The following EML4 variants were observed in gnomAD, a reference collection of about 807,000 sequenced individuals.
The protein encoded by EML4 is EMAP like 4.
EML4 carries 72 observed loss-of-function variants against 129.0 expected under a neutral mutation model. The ratio of observed to expected loss-of-function variants is 0.56; its 90% CI spans 0.46 to 0.68. EML4 has a LOEUF of 0.68. Ranked by LOEUF, EML4 falls within the 30% of genes least tolerant of loss-of-function variation. The probability of loss-of-function intolerance (pLI) is 0.00; values close to 1 mark genes in which losing one functional copy is unlikely to be tolerated. For missense variants in EML4, 1,363 were observed against 1,190.6 expected (o/e 1.14, Z -2.13); for synonymous variants, 532 against 405.0 (o/e 1.31, Z -3.77).
intron 13 of EML4, among the ~76,000 whole-genome samples, chr2:42,297,963 T>C (rs1425622830): frequency 6.6e-6 from 1 of 152,222 alleles, no homozygotes; most frequent in Non-Finnish European, 1.5e-5. Context: ...GTAATTAGTG[T>C]TTTCTGTTTC....
intron 17 of EML4, among the ~76,000 whole-genome samples, chr2:42,313,219 G>C (rs748197521): frequency 4.0e-5 from 6 of 151,880 alleles, no homozygotes; most frequent in Non-Finnish European, 8.8e-5. Flanking sequence ...GCCTCCCAAA[G>C]TGCTGGGATT....
intron 1 of EML4, among the ~76,000 whole-genome samples, chr2:42,202,353 G>A (rs1672283715): frequency 1.3e-5 from 2 of 151,958 alleles, no homozygotes; most frequent in Non-Finnish European, 2.9e-5. Context: ...CTAGCCTGGT[G>A]TATTAGTCAG....
intron 1 of EML4, among the ~76,000 whole-genome samples, chr2:42,213,140 T>C (rs969712019): frequency 1.3e-5 from 2 of 152,192 alleles, no homozygotes; most frequent in Non-Finnish European, 2.9e-5. Context: ...ATGTAAACTT[T>C]TAATTGAAGT....
At chr2:42,235,627 G>C (rs569361805) in intron 1 of EML4, among the ~76,000 whole-genome samples, 1 of 152,298 alleles carries the variant, frequency 6.6e-6, no homozygotes, top group Non-Finnish European at 1.5e-5. Flanking sequence ...TTAGGAAGGG[G>C]AGATCAGAGA....
intron 1 of EML4, among the ~76,000 whole-genome samples, chr2:42,242,676 T>C (rs1675113775): frequency 6.6e-6 from 1 of 150,542 alleles, no homozygotes; most frequent in Non-Finnish European, 1.5e-5. Context: ...CTTTCCTCCC[T>C]CCCTTCCTTC....
intron 1 of EML4, among the ~76,000 whole-genome samples, chr2:42,235,638 C>T (rs962929258): frequency 6.6e-6 from 1 of 152,162 alleles, no homozygotes; most frequent in Non-Finnish European, 1.5e-5. Context: ...AGATCAGAGA[C>T]TATTTCAAAT....
chr2:42,251,985 A>T (rs1423565897), intron 2 of EML4, among the ~76,000 whole-genome samples: 2 of 152,220 alleles, frequency 1.3e-5, no homozygotes, highest in Non-Finnish European at 2.9e-5. Flanking sequence ...ACAAATCAAT[A>T]AATTGTTTGT....
At position 42,332,413 on chromosome 2, in the gene EML4, G is replaced by A. The variant is rs1323618155; in HGVS notation, c.*2206G>A. The A allele has an allele frequency of 4.9e-6, 1 of 206,140 alleles. No homozygotes were observed. The highest frequency in any genetic ancestry group is 9.9e-6 in the Non-Finnish European group (1 of 100,670). The allele number at this position is 206,140 out of a possible 1,614,324, so 12.8% of individuals were successfully genotyped here. Reference sequence around the variant, plus strand: ...GGTTATGAAATTGTAGATGTTTTTAGAAAAACTTGTGAATGAAAATGAATC... The same window carrying A: ...GGTTATGAAATTGTAGATGTTTTTAAAAAAACTTGTGAATGAAAATGAATC... On this transcript the variant is annotated 3_prime_UTR_variant, in exon 23 of 23. Transcript: ENST00000318522.
chr2:42,289,048 C>T (rs530118706), intron 11 of EML4: 2 of 152,296 alleles, frequency 1.3e-5, no homozygotes, highest in South Asian at 2.1e-4. Context: ...TTTGAGTAAG[C>T]TTCAAGCTTT....
At chr2:42,313,859 C>T (rs993827245) in intron 17 of EML4, among the ~76,000 whole-genome samples, 2 of 150,970 alleles carry the variant, frequency 1.3e-5, no homozygotes, top group African/African-American at 4.9e-5. Flanking sequence ...AACCCGGAGG[C>T]GGAGGTTGCA....
At chr2:42,200,842 C>T (rs753172005) in intron 1 of EML4, among the ~76,000 whole-genome samples, 1 of 152,086 alleles carries the variant, frequency 6.6e-6, no homozygotes, top group Non-Finnish European at 1.5e-5. Flanking sequence ...AAATTTCCAG[C>T]GCTTTGCAGG....
At chr2:42,238,207 T>C (rs957189096) in intron 1 of EML4, among the ~76,000 whole-genome samples, 1 of 152,146 alleles carries the variant, frequency 6.6e-6, no homozygotes, top group Non-Finnish European at 1.5e-5. Context: ...TCTGAAAAAT[T>C]TGAGACCTGA....
At position 42,286,249 on chromosome 2, in the gene EML4, G is replaced by T; in HGVS notation, c.1012-20G>T. ...TTGCATCCACCTGTCCAGTTGCTCT[G>T]CTGTCTTGTGTTTTTGCAGCCTCTA... On this transcript the variant is annotated intron_variant, in intron 9 of 22. Transcript: ENST00000318522. 2 of 1,427,792 alleles carry T rather than the reference G, an allele frequency of 1.4e-6. No homozygotes were observed. Among genetic ancestry groups the T allele is most frequent in the African/African-American group, 2.8e-5 (2 of 71,400 alleles). The allele number at this position is 1,427,792 out of a possible 1,614,324, so 88.4% of individuals were successfully genotyped here.
chr2:42,293,231 T>A (rs1031791152), intron 11 of EML4, among the ~76,000 whole-genome samples: 1 of 151,772 alleles, frequency 6.6e-6, no homozygotes, highest in Non-Finnish European at 1.5e-5. Flanking sequence ...AGCCTCAGCC[T>A]CCCAAGTAGC....
chr2:42,231,575 G>T (rs973084299), intron 1 of EML4, among the ~76,000 whole-genome samples: 1 of 151,934 alleles, frequency 6.6e-6, no homozygotes, highest in African/African-American at 2.4e-5. Context: ...AGAAAAACAG[G>T]GATCTTCCTG....
chr2:42,194,276 ATTTCT>A (rs567221997), intron 1 of EML4, among the ~76,000 whole-genome samples: 1 of 146,920 alleles, frequency 6.8e-6, no homozygotes, highest in Admixed American at 6.7e-5. Flanking sequence ...TTTTCTTTAT[ATTTCT>A]TTTCTTTTTT....
chr2:42,298,086 G>A (rs1057295956), intron 13 of EML4, among the ~76,000 whole-genome samples: 1 of 152,198 alleles, frequency 6.6e-6, no homozygotes, highest in Non-Finnish European at 1.5e-5. Context: ...GAAGTTGAGA[G>A]TATCTACAGA....
At chr2:42,293,101 T>G (rs1037116498) in intron 11 of EML4, among the ~76,000 whole-genome samples, 27 of 152,074 alleles carry the variant, frequency 1.8e-4, no homozygotes, top group Non-Finnish European at 5.9e-5. Flanking sequence ...CTGTACTTTA[T>G]CTTCAACTTT....
chr2:42,204,818 T>G (rs958392899), intron 1 of EML4, among the ~76,000 whole-genome samples: 2 of 152,138 alleles, frequency 1.3e-5, no homozygotes, highest in African/African-American at 4.8e-5. Context: ...ACAGCTAGAG[T>G]TAGACCTAGT....
Sources: gnomAD v4.1 joint callset for allele counts (sites outside exome capture counted in the v4.1 genomes callset) on GRCh38, gnomAD v4.1.1 for gene constraint, MANE v1.5 for transcripts, NCBI Gene and HGNC (gene_info 2026-07-23, HGNC 2026-07-21) for gene names.